CSMD1: variants seen among roughly 807,000 people sequenced by gnomAD.
CSMD1 encodes CUB and sushi domain-containing protein 1.
CSMD1 carries 213 observed loss-of-function variants against 417.5 expected under a neutral mutation model. The observed-to-expected ratio is 0.51, with a 90% CI of 0.46 to 0.57. The LOEUF is 0.57. Among genes scored for constraint, CSMD1 ranks in the 20% least tolerant of loss-of-function variants. The probability of loss-of-function intolerance (pLI) is 0.00; values close to 1 mark genes in which losing one functional copy is unlikely to be tolerated. For synonymous variants in CSMD1, 2,862 were observed against 1,736.8 expected (o/e 1.65, Z -16.11); for missense variants, 6,923 against 4,529.7 (o/e 1.53, Z -15.17).
intron 5 of CSMD1, among the ~76,000 whole-genome samples, chr8:3,852,603 C>T (rs1803992122): frequency 6.6e-6 from 1 of 152,104 alleles, no homozygotes; most frequent in Admixed American, 6.6e-5. Flanking sequence ...GCTATCTCAG[C>T]ATTCACAAAA....
chr8:3,479,420 ACAG>A (rs1351025593), intron 11 of CSMD1, among the ~76,000 whole-genome samples: 1 of 152,092 alleles, frequency 6.6e-6, no homozygotes. Context: ...GGCTGGGATT[ACAG>A]GCATGCACCA....
intron 3 of CSMD1, among the ~76,000 whole-genome samples, chr8:4,147,449 C>G (rs1796306431): frequency 6.6e-6 from 1 of 152,122 alleles, no homozygotes; most frequent in Admixed American, 6.5e-5. Flanking sequence ...TGGAAAGTCC[C>G]ACGCCTCATT....
intron 1 of CSMD1, among the ~76,000 whole-genome samples, chr8:4,888,100 C>T (rs1190341280): frequency 1.3e-5 from 2 of 151,842 alleles, no homozygotes; most frequent in African/African-American, 4.8e-5. Context: ...CATATGTACA[C>T]TCTTAATTAT....
chr8:3,402,742 T>G (rs189933251), intron 15 of CSMD1, among the ~76,000 whole-genome samples: 1 of 152,198 alleles, frequency 6.6e-6, no homozygotes, highest in African/African-American at 2.4e-5. Context: ...CATAAACAGT[T>G]TGTCTATTTT....
intron 1 of CSMD1, among the ~76,000 whole-genome samples, chr8:4,990,369 A>AT (rs10625552): frequency 0.35 from 52,875 of 150,276 alleles, 11,022 homozygotes; most frequent in African/African-American, 0.59. Flanking sequence ...AGGGGTTCAC[A>AT]TTTTTTTTTT....
chr8:4,779,677 C>T (rs1277333713), intron 1 of CSMD1, among the ~76,000 whole-genome samples: 1 of 152,122 alleles, frequency 6.6e-6, no homozygotes, highest in Non-Finnish European at 1.5e-5. Flanking sequence ...GTCTCCATTG[C>T]AACATTTCAT....
chr8:3,372,919 G>A (rs555787448), intron 18 of CSMD1, among the ~76,000 whole-genome samples: 1 of 152,222 alleles, frequency 6.6e-6, no homozygotes, highest in African/African-American at 2.4e-5. Context: ...AAAACCAGCA[G>A]AGGACGGAGG....
intron 4 of CSMD1, among the ~76,000 whole-genome samples, chr8:3,999,071 A>G (rs1815455643): frequency 1.3e-5 from 2 of 150,758 alleles, no homozygotes; most frequent in African/African-American, 2.4e-5. Flanking sequence ...TAAATTACAT[A>G]TATGAGAGAG....
chr8:4,813,976 T>C (rs1033616687), intron 1 of CSMD1, among the ~76,000 whole-genome samples: 2 of 152,252 alleles, frequency 1.3e-5, no homozygotes, highest in African/African-American at 4.8e-5. Flanking sequence ...GATTCATAAT[T>C]AATCAACAAT....
intron 3 of CSMD1, among the ~76,000 whole-genome samples, chr8:4,413,322 G>C (rs548737066): frequency 2.0e-5 from 3 of 152,076 alleles, no homozygotes; most frequent in Non-Finnish European, 1.5e-5. Flanking sequence ...AACTACGCTC[G>C]TGGGGCTGCC....
rs78972864 is a variant in CSMD1, at chr8:3,529,338, T to G, written c.1345-35612A>C. 3.2e-3 allele frequency among the ~76,000 whole-genome samples: 486 copies of G among 152,254 alleles called. 7 individuals are homozygous for G. Among genetic ancestry groups the G allele is most frequent in the African/African-American group, 0.011 (474 of 41,540 alleles). ...TGAAGTTGCACATGGCCAACACACT[T>G]AAGTGTACTAAATCAATTCAAGAAA... On this transcript the variant is annotated intron_variant, in intron 10 of 69. Transcript: ENST00000635120.
In CSMD1 at chr8:2,938,532, T is replaced by C. The variant is rs1801649672; in HGVS notation, c.*53A>G. On this transcript the variant is annotated 3_prime_UTR_variant, in exon 70 of 70. Transcript: ENST00000635120. ...TGGTATATGGCACCAAAGGAATCAC[T>C]GCTTGTCCATCAGAGGTATGGCTAT... 6 of 1,545,970 alleles carry C rather than the reference T, an allele frequency of 3.9e-6. No homozygotes were observed. The highest frequency in any genetic ancestry group is 1.8e-5 in the Admixed American group (1 of 54,198).
At chr8:4,309,493 A>T (rs1280279646) in intron 3 of CSMD1, among the ~76,000 whole-genome samples, 1 of 152,166 alleles carries the variant, frequency 6.6e-6, no homozygotes, top group Non-Finnish European at 1.5e-5. Context: ...ATTTTCTCTC[A>T]TCAAATTTCT....
At chr8:4,730,755 A>G (rs1467929358) in intron 1 of CSMD1, among the ~76,000 whole-genome samples, 2 of 151,950 alleles carry the variant, frequency 1.3e-5, no homozygotes, top group Non-Finnish European at 2.9e-5. Flanking sequence ...AAACAAATAA[A>G]AAAAAAAAGA....
chr8:4,980,297 G>A lies in CSMD1; in HGVS notation c.85+14035C>T, dbSNP rs1288581437. Among the ~76,000 whole-genome samples the A allele has an allele frequency of 4.6e-5, 7 of 152,268 alleles. No homozygotes were observed. In the East Asian group the frequency reaches 1.2e-3, roughly 25 times the overall value. On this transcript the variant is annotated intron_variant, in intron 1 of 69. Transcript: ENST00000635120. Reference sequence around the variant, plus strand: ...CCTAGCATGCTGCTCTTCCCAGAGTGTAGCCACAAGGGCTGTGTGCCTATT... The same window carrying A: ...CCTAGCATGCTGCTCTTCCCAGAGTATAGCCACAAGGGCTGTGTGCCTATT...
At chr8:3,117,984 A>C (rs1353665582) in intron 42 of CSMD1, among the ~76,000 whole-genome samples, 1 of 152,226 alleles carries the variant, frequency 6.6e-6, no homozygotes, top group Non-Finnish European at 1.5e-5. Flanking sequence ...TTATTATAAA[A>C]GCTAAACAAA....
chr8:3,649,160 T>A (rs1797722609), intron 7 of CSMD1, among the ~76,000 whole-genome samples: 1 of 152,200 alleles, frequency 6.6e-6, no homozygotes, highest in Non-Finnish European at 1.5e-5. Context: ...TTATTTAGTC[T>A]GTGAAAACAA....
intron 57 of CSMD1, 122 bp from the exon 58 acceptor site, chr8:2,966,868 C>G: frequency 1.2e-6 from 1 of 834,218 alleles, no homozygotes; most frequent in Non-Finnish European, 1.9e-6. Flanking sequence ...CCAAAGCACA[C>G]AATCCTATGG....
intron 52 of CSMD1, among the ~76,000 whole-genome samples, chr8:3,004,167 ACTGAAAT>A (rs1807671517): frequency 6.6e-6 from 1 of 152,136 alleles, no homozygotes. Flanking sequence ...ATAATAAAAT[ACTGAAAT>A]TCCTCAGTGG....
Sources: allele counts gnomAD v4.1 joint callset (sites outside exome capture counted in the v4.1 genomes callset), GRCh38; gene constraint gnomAD v4.1.1; transcripts MANE v1.5; gene names NCBI Gene and HGNC (gene_info 2026-07-23, HGNC 2026-07-21).